Variants in DYNC2H1 observed in about 807,000 individuals in gnomAD.
DYNC2H1 encodes the protein dynein cytoplasmic 2 heavy chain 1.
In DYNC2H1, 410 loss-of-function variants were observed where a neutral mutation model predicts 570.0. The ratio of observed to expected loss-of-function variants is 0.72; its 90% CI spans 0.66 to 0.78. The LOEUF (loss-of-function observed/expected upper bound fraction) is 0.78. Ranked by LOEUF, DYNC2H1 falls within the 30% of genes least tolerant of loss-of-function variation. DYNC2H1 has a pLI of 0.00. For missense variants in DYNC2H1, 4,865 were observed against 5,046.4 expected, an observed-to-expected ratio of 0.96 and a Z score of 1.09; for synonymous variants, 1,688 against 1,677.6, an observed-to-expected ratio of 1.01 and a Z score of -0.15.
At chr11:103,379,816 A>G (rs568369169) in intron 83 of DYNC2H1, among the ~76,000 whole-genome samples, 3 of 152,196 alleles carry the variant, frequency 2.0e-5, no homozygotes, top group Non-Finnish European at 4.4e-5. Context: ...ATGCTCCAGC[A>G]TGCTCCAGAA....
At chr11:103,188,951 T>G (rs1862188730) in intron 44 of DYNC2H1, among the ~76,000 whole-genome samples, 1 of 152,086 alleles carries the variant, frequency 6.6e-6, no homozygotes, top group African/African-American at 2.4e-5. Context: ...TTTAAATGTT[T>G]TATGCAGTTC....
chr11:103,218,386 C>T (rs1472426809), intron 55 of DYNC2H1, among the ~76,000 whole-genome samples: 2 of 152,048 alleles, frequency 1.3e-5, no homozygotes, highest in East Asian at 1.9e-4. Flanking sequence ...GTAAGTAATA[C>T]ATCAGAAAAT....
intron 75 of DYNC2H1, among the ~76,000 whole-genome samples, chr11:103,292,159 T>TC (rs941323554): frequency 2.7e-4 from 18 of 66,012 alleles, no homozygotes; most frequent in African/African-American, 6.1e-4. Context: ...TCTTCTTCTC[T>TC]TTTTTTTTTT....
At chr11:103,419,076 T>C (rs1292402658) in intron 84 of DYNC2H1, among the ~76,000 whole-genome samples, 1 of 151,994 alleles carries the variant, frequency 6.6e-6, no homozygotes, top group Non-Finnish European at 1.5e-5. Flanking sequence ...CTTCACAAGG[T>C]AAGACCCACT....
At chr11:103,285,777 T>A (rs1294209135) in intron 73 of DYNC2H1, among the ~76,000 whole-genome samples, 1 of 152,124 alleles carries the variant, frequency 6.6e-6, no homozygotes, top group East Asian at 1.9e-4. Flanking sequence ...CTAAAGTTAC[T>A]TAGCAAAATT....
At chr11:103,410,642 T>A (rs560358027) in intron 84 of DYNC2H1, among the ~76,000 whole-genome samples, 1 of 152,268 alleles carries the variant, frequency 6.6e-6, no homozygotes, top group Admixed American at 6.5e-5. Flanking sequence ...TAACCCCAGT[T>A]TGGATCTTAG....
At chr11:103,304,183 G>T (rs924711619) in intron 76 of DYNC2H1, among the ~76,000 whole-genome samples, 5 of 152,106 alleles carry the variant, frequency 3.3e-5, no homozygotes, top group African/African-American at 1.2e-4. Context: ...AAATTGAAAA[G>T]TGAAAATTCT....
At position 103,223,418 on chromosome 11, in the gene DYNC2H1, G is replaced by A. The variant is rs184314122; in HGVS notation, c.9353+332G>A. On this transcript the variant is annotated intron_variant, in intron 59 of 88. Coordinates refer to ENST00000375735, the MANE Select transcript of DYNC2H1 (RefSeq NM_001377.3). ...TTTTTTGTTTTTGAGACACAGTTTC[G>A]CTCTTGTTGCCCAGGCTGGATTGCA... Among the ~76,000 whole-genome samples, 854 of 152,072 alleles carry A rather than the reference G, an allele frequency of 5.6e-3. 5 individuals carry two copies. The highest frequency in any genetic ancestry group is 0.019 in the African/African-American group (780 of 41,472).
intron 83 of DYNC2H1, among the ~76,000 whole-genome samples, chr11:103,381,321 T>C (rs1325934856): frequency 6.6e-6 from 1 of 152,216 alleles, no homozygotes; most frequent in African/African-American, 2.4e-5. Context: ...ATGTGGACTT[T>C]TCATAGATTA....
chr11:103,223,967 C>T (rs539185435), intron 59 of DYNC2H1, among the ~76,000 whole-genome samples: 1 of 151,636 alleles, frequency 6.6e-6, no homozygotes, highest in East Asian at 2.0e-4. Context: ...AAGATGATCT[C>T]GATCTCCTGA....
At chr11:103,121,170 C>A in intron 9 of DYNC2H1, 134 bp downstream of exon 9, 2 of 900,978 alleles carry the variant, frequency 2.2e-6, no homozygotes, top group Non-Finnish European at 3.2e-6. Flanking sequence ...TTTACTTATT[C>A]TGTTATAAAT....
At chr11:103,355,287 A>G (rs1158461767) in intron 82 of DYNC2H1, among the ~76,000 whole-genome samples, 1 of 152,188 alleles carries the variant, frequency 6.6e-6, no homozygotes, top group East Asian at 1.9e-4. Context: ...CATCTATAAA[A>G]TGAGAATGAG....
Position 103,133,869 on chromosome 11 carries a change from A to C in DYNC2H1, c.2106+162A>C, listed in dbSNP as rs1436901722. Among the ~76,000 whole-genome samples the C allele has an allele frequency of 6.6e-6, 1 of 152,212 alleles. No individual in the cohort carries two copies. The highest frequency in any genetic ancestry group is 1.9e-4 in the East Asian group (1 of 5,202). On this transcript the variant is annotated intron_variant, in intron 14 of 88. Transcript: ENST00000375735. The surrounding 1 kb of genome is among the most constrained non-coding windows in gnomAD (Gnocchi z 4.8). ...CCATTTGCCCAAATTCCCTGTTGTT[A>C]ACAACTTATATAACCGGAGTAGTTA...
At chr11:103,366,828 T>C (rs893708535) in intron 83 of DYNC2H1, among the ~76,000 whole-genome samples, 1 of 152,176 alleles carries the variant, frequency 6.6e-6, no homozygotes. Flanking sequence ...TTAAAGATAA[T>C]ATTAGGAATG....
At chr11:103,292,146 TC>T (rs1385450546) in intron 75 of DYNC2H1, among the ~76,000 whole-genome samples, 1 of 143,232 alleles carries the variant, frequency 7.0e-6, no homozygotes, top group Non-Finnish European at 1.5e-5. Context: ...TTTGTTAGTG[TC>T]TTCTTCTTCT....
At chr11:103,428,213 A>G (rs1249233477) in intron 84 of DYNC2H1, among the ~76,000 whole-genome samples, 4 of 141,508 alleles carry the variant, frequency 2.8e-5, no homozygotes, top group African/African-American at 1.1e-4. Flanking sequence ...GAATATCTGA[A>G]AGAGAGGAGT....
Position 103,136,184 on chromosome 11 carries a change from TG to T in DYNC2H1, c.2574+237del, listed in dbSNP as rs547359644. 2.4e-3 allele frequency among the ~76,000 whole-genome samples: 364 copies of T among 151,380 alleles called. 2 individuals carry two copies. The highest frequency in any genetic ancestry group is 4.9e-3 in the African/African-American group (202 of 41,480). On this transcript the variant is annotated intron_variant, in intron 17 of 88. Coordinates refer to ENST00000375735, the MANE Select transcript of DYNC2H1 (RefSeq NM_001377.3). ...ATTATTTTGTGACAATTGAGAAACT[TG>T]TTTTTTTTGGTTTTTTATTTTTATT...
intron 85 of DYNC2H1, among the ~76,000 whole-genome samples, chr11:103,453,251 T>G (rs1363515797): frequency 1.3e-5 from 2 of 152,028 alleles, no homozygotes; most frequent in East Asian, 3.8e-4. Context: ...TATTTGCCAG[T>G]TAGTATGCCT....
intron 84 of DYNC2H1, among the ~76,000 whole-genome samples, chr11:103,428,463 C>T (rs149237475): frequency 6.6e-6 from 1 of 152,218 alleles, no homozygotes; most frequent in African/African-American, 2.4e-5. Context: ...AACCTTTTCC[C>T]AATGAAGTTT....
Sources: gnomAD v4.1 joint callset for allele counts (sites outside exome capture counted in the v4.1 genomes callset) on GRCh38, gnomAD v4.1.1 for gene constraint, Gnocchi (gnomAD v3.1) non-coding constraint, MANE v1.5 for transcripts, NCBI Gene and HGNC (gene_info 2026-07-23, HGNC 2026-07-21) for gene names.